PLA2G4E: variants seen among roughly 807,000 people sequenced by gnomAD.
PLA2G4E encodes cytosolic phospholipase A2 epsilon.
In PLA2G4E, 84 loss-of-function variants were observed where a neutral mutation model predicts 109.1. The ratio of observed to expected loss-of-function variants is 0.77; its 90% confidence interval spans 0.65 to 0.92. The LOEUF is 0.92. PLA2G4E is among the 40% of genes least tolerant of loss of function. PLA2G4E has a pLI of 0.00. For missense variants in PLA2G4E, 1,057 were observed against 1,076.6 expected (o/e 0.98, Z 0.25); for synonymous variants, 469 against 436.1 (o/e 1.08, Z -0.94).
intron 4 of PLA2G4E, among the ~76,000 whole-genome samples, chr15:42,005,321 G>T (rs1272353517): frequency 6.6e-6 from 1 of 152,218 alleles, no homozygotes; most frequent in Non-Finnish European, 1.5e-5. Context: ...GCAAGGGAGC[G>T]CTGAGATACG....
intron 11 of PLA2G4E, among the ~76,000 whole-genome samples, chr15:41,996,397 C>G (rs1246829285): frequency 2.1e-5 from 3 of 140,424 alleles, no homozygotes; most frequent in African/African-American, 8.0e-5. Flanking sequence ...GGAAGGGGCT[C>G]TTTGTCAAGA....
intron 1 of PLA2G4E, among the ~76,000 whole-genome samples, chr15:42,035,435 G>C (rs968134551): frequency 6.6e-6 from 1 of 152,258 alleles, no homozygotes; most frequent in Non-Finnish European, 1.5e-5. Context: ...ATGCCTAGGG[G>C]CTAGAGAGTG....
chr15:42,020,625 A>G (rs1003213304), intron 1 of PLA2G4E, among the ~76,000 whole-genome samples: 2 of 152,160 alleles, frequency 1.3e-5, no homozygotes, highest in Non-Finnish European at 2.9e-5. Context: ...TCCCCCTGGC[A>G]TACTCTCTAT....
chr15:41,987,228 G>C, exon 17 of PLA2G4E: 2 of 1,614,010 alleles, frequency 1.2e-6, no homozygotes, highest in Non-Finnish European at 1.7e-6. Context: ...CTGCAGCCCA[G>C]ACAGGAAGTT....
At chr15:41,985,029 A>G (rs2068117411) in intron 18 of PLA2G4E, among the ~76,000 whole-genome samples, 1 of 152,188 alleles carries the variant, frequency 6.6e-6, no homozygotes, top group African/African-American at 2.4e-5. Flanking sequence ...GGCATCTCTA[A>G]AAGCATGATG....
rs150445045 is a variant in PLA2G4E, at chr15:42,011,539, T to G, written c.256+2146A>C. Reference sequence around the variant, plus strand: ...AAGTTCGAAACCAGCTTGGGCAACATGGTGAAACCCTGTCTCCACAAATAA... The same window carrying G: ...AAGTTCGAAACCAGCTTGGGCAACAGGGTGAAACCCTGTCTCCACAAATAA... On this transcript the variant is annotated intron_variant, in intron 2 of 19. Transcript: ENST00000399518. 3.6e-3 allele frequency among the ~76,000 whole-genome samples: 547 copies of G among 151,910 alleles called. 4 individuals are homozygous for G. The highest frequency in any genetic ancestry group is 0.013 in the African/African-American group (528 of 41,326).
In PLA2G4E at chr15:41,987,896, GC is replaced by G. The variant is rs1018109981; in HGVS notation, c.1831+152del. Among the ~76,000 whole-genome samples, 3 of 149,532 alleles carry G rather than the reference GC, an allele frequency of 2.0e-5. No individual in the cohort carries two copies. The East Asian group carries it at 6.0e-4, about 30-fold the overall frequency. ...CAGCCATGAGGGAAAGCCGGGGGCC[GC>G]CCCCCATCACCCAGCCATGAGGGAA... On this transcript the variant is annotated intron_variant, in intron 16 of 19. Coordinates refer to ENST00000399518, the Ensembl canonical transcript of PLA2G4E.
intron 1 of PLA2G4E, among the ~76,000 whole-genome samples, chr15:42,033,100 G>T (rs1164534343): frequency 1.3e-5 from 2 of 152,150 alleles, no homozygotes; most frequent in Admixed American, 1.3e-4. Flanking sequence ...GTGTGAGTGT[G>T]TGTGTTGTGT....
chr15:42,010,686 T>A (rs1031114945), intron 2 of PLA2G4E, among the ~76,000 whole-genome samples: 1 of 152,188 alleles, frequency 6.6e-6, no homozygotes, highest in Non-Finnish European at 1.5e-5. Flanking sequence ...GAACTTTGTC[T>A]CTCTAATACC....
chr15:42,020,630 C>G (rs2068639300), intron 1 of PLA2G4E, among the ~76,000 whole-genome samples: 1 of 152,208 alleles, frequency 6.6e-6, no homozygotes, highest in South Asian at 2.1e-4. Context: ...CTGGCATACT[C>G]TCTATCTTGG....
intron 1 of PLA2G4E, among the ~76,000 whole-genome samples, chr15:42,027,835 G>A (rs527597889): frequency 1.2e-5 from 1 of 85,088 alleles, no homozygotes; most frequent in South Asian, 4.0e-4. Context: ...TCACAGCCCT[G>A]CTCAAATGCC....
chr15:41,993,029 G>A (rs2068278217), intron 12 of PLA2G4E, 70 bp from the exon 13 acceptor site: 16 of 1,394,310 alleles, frequency 1.1e-5, no homozygotes, highest in African/African-American at 1.4e-5. Context: ...ACCCGGGCAG[G>A]AGGGAAGGTG....
intron 1 of PLA2G4E, among the ~76,000 whole-genome samples, chr15:42,043,316 G>C (rs1353268106): frequency 1.3e-5 from 2 of 152,150 alleles, no homozygotes; most frequent in Admixed American, 6.5e-5. Flanking sequence ...AGGCAGGGAG[G>C]AGGGAACAGG....
Position 42,019,576 on chromosome 15 carries a change from T to G in PLA2G4E, c.184-5819A>C, listed in dbSNP as rs574425111. Among the ~76,000 whole-genome samples the G allele has an allele frequency of 4.9e-4, 75 of 152,304 alleles. No individual in the cohort carries two copies. The South Asian group carries it at 6.6e-3, about 13-fold the overall frequency. ...TGCCACCTCCTCCTCCCTAGAGAGCTGGGTGTACCCTTCAGTTCCATGCAA... is the reference window on the plus strand; with the variant it reads ...TGCCACCTCCTCCTCCCTAGAGAGCGGGGTGTACCCTTCAGTTCCATGCAA... On this transcript the variant is annotated intron_variant, in intron 1 of 19. Transcript: ENST00000399518.
At chr15:41,989,584 C>T in intron 14 of PLA2G4E, 32 bp from the exon 15 acceptor site, 1 of 1,600,880 alleles carries the variant, frequency 6.2e-7, no homozygotes, top group Non-Finnish European at 8.5e-7. Context: ...GGGGGTCAGT[C>T]TCAGGCCAGG....
intron 1 of PLA2G4E, among the ~76,000 whole-genome samples, chr15:42,024,225 G>A (rs1022644727): frequency 2.0e-5 from 3 of 152,186 alleles, no homozygotes; most frequent in Non-Finnish European, 4.4e-5. Flanking sequence ...CCCACGCCAG[G>A]GTGCGGGTGC....
Position 42,028,264 on chromosome 15 carries a change from G to A in PLA2G4E, c.184-14507C>T, listed in dbSNP as rs117084958. The stretch of plus-strand genomic sequence containing the variant: ...AAGAACCTTGCTCAAGGTCACGATG[G>A]TAAGTGACAGAGCTGTGACACTAGC... On this transcript the variant is annotated intron_variant, in intron 1 of 19. Coordinates refer to ENST00000399518, the Ensembl canonical transcript of PLA2G4E. Among the ~76,000 whole-genome samples, 229 of 152,316 alleles carry A rather than the reference G, an allele frequency of 1.5e-3. 4 individuals carry two copies. In the East Asian group the frequency reaches 0.034, roughly 22 times the overall value.
At chr15:42,002,264 C>CAAAAAAAAAAAAAAAAAAAAAA (rs71108143) in intron 6 of PLA2G4E, among the ~76,000 whole-genome samples, 8 of 73,212 alleles carry the variant, frequency 1.1e-4, no homozygotes, top group African/African-American at 4.3e-4. Flanking sequence ...GACCTTGTCT[C>CAAAAAAAAAAAAAAAAAAAAAA]AAAAAAAAAA....
At chr15:41,993,253 G>A (rs1373650499) in intron 12 of PLA2G4E, among the ~76,000 whole-genome samples, 1 of 152,230 alleles carries the variant, frequency 6.6e-6, no homozygotes, top group East Asian at 1.9e-4. Flanking sequence ...GCCAGGCTCT[G>A]TCGCTCACTA....
Sources: gnomAD v4.1 joint callset for allele counts (sites outside exome capture counted in the v4.1 genomes callset) on GRCh38, gnomAD v4.1.1 for gene constraint, MANE v1.5 for transcripts, NCBI Gene and HGNC (gene_info 2026-07-23, HGNC 2026-07-21) for gene names.